Variants in SLC37A1 observed in about 807,000 individuals in gnomAD.
The protein encoded by SLC37A1 is glucose-6-phosphate exchanger SLC37A1.
A neutral mutation model predicts 75.3 loss-of-function variants in SLC37A1; 49 were observed. The ratio of observed to expected loss-of-function variants is 0.65; its 90% CI spans 0.52 to 0.83. The LOEUF is 0.83. Among genes scored for constraint, SLC37A1 ranks in the 40% least tolerant of loss-of-function variants. The pLI is 0.00. For synonymous variants in SLC37A1, 268 were observed against 292.1 expected (o/e 0.92, Z 0.84); for missense variants, 566 against 695.0 (o/e 0.81, Z 2.09).
intron 17 of SLC37A1, among the ~76,000 whole-genome samples, chr21:42,570,080 GCGACACACGGCCTGGT>G (rs2056097335): frequency 1.8e-5 from 2 of 109,218 alleles, no homozygotes; most frequent in African/African-American, 3.0e-5. Context: ...GCCATGTCAT[GCGACACACGGCCTGGT>G]TCTGAGAAGT....
rs2054917963 is a variant in SLC37A1 at position 42,530,402 on chromosome 21, G to A, written c.139-4296G>A. Among the ~76,000 whole-genome samples the A allele has an allele frequency of 2.0e-5, 3 of 152,166 alleles. No homozygotes were observed. In the South Asian group the frequency reaches 6.2e-4, roughly 32 times the overall value. On this transcript the variant is annotated intron_variant, in intron 3 of 19. Transcript: ENST00000352133. ...TGGCCGTGGGCAGGTGCTGTTGTCT[G>A]TGGGGGAGAGCCTGGCTGGTCGCTC...
chr21:42,541,622 T>A, intron 6 of SLC37A1, among the ~76,000 whole-genome samples: 1 of 152,254 alleles, frequency 6.6e-6, no homozygotes, highest in East Asian at 1.9e-4. Flanking sequence ...AGAGAATGAT[T>A]AACAACAGTA....
chr21:42,554,282 ATTTCT>A (rs748553468), intron 10 of SLC37A1, 140 bp downstream of exon 10: 5 of 716,980 alleles, frequency 7.0e-6, no homozygotes, highest in Non-Finnish European at 1.1e-5. Context: ...GTCTCATTGT[ATTTCT>A]TCAGTAAAAT....
chr21:42,552,701 C>T lies in SLC37A1; in HGVS notation c.769-1361C>T, dbSNP rs1011815633. Among the ~76,000 whole-genome samples the T allele has an allele frequency of 6.6e-6, 1 of 152,220 alleles. No homozygotes were observed. The highest frequency in any genetic ancestry group is 1.5e-5 in the Non-Finnish European group (1 of 68,040). On this transcript the variant is annotated intron_variant, in intron 9 of 19. Coordinates refer to ENST00000352133, the MANE Select transcript of SLC37A1 (RefSeq NM_001320537.2). This position sits in a 1 kb window ranked among gnomAD's most constrained non-coding sequence, Gnocchi z 4.2. The stretch of plus-strand genomic sequence containing the variant: ...CTTTCAGGAGACTTCCTAGCATTTC[C>T]TAACATCATTTCTGCTTAGCTGACC...
At position 42,514,366 on chromosome 21, in the gene SLC37A1, C is replaced by A. The variant is rs541230351; in HGVS notation, c.-530C>A. ...AGCCGGGTCCCCTGCCCACCCCGGC[C>A]CGGGCCGCGGTGACAGCTGAGGGTC... On this transcript the variant is annotated 5_prime_UTR_variant, in exon 1 of 20. Transcript: ENST00000352133. The surrounding 1 kb of genome is among the most constrained non-coding windows in gnomAD (Gnocchi z 4.8). 1 of 152,296 alleles carries A rather than the reference C, an allele frequency of 6.6e-6. No individual in the cohort carries two copies. The highest frequency in any genetic ancestry group is 1.9e-4 in the East Asian group (1 of 5,134). The allele number at this position is 152,296 out of a possible 1,614,324, so 9.4% of individuals were successfully genotyped here.
intron 11 of SLC37A1, among the ~76,000 whole-genome samples, chr21:42,560,181 C>T (rs1042891107): frequency 6.6e-6 from 1 of 152,202 alleles, no homozygotes; most frequent in East Asian, 1.9e-4. Flanking sequence ...GTTTTTATTA[C>T]ATTGATGGAC....
At chr21:42,507,853 C>T (rs368668341) in intron 2 of SLC37A1, among the ~76,000 whole-genome samples, 8 of 152,244 alleles carry the variant, frequency 5.3e-5, no homozygotes, top group East Asian at 1.9e-4. Context: ...AGATCTCCCC[C>T]GATGACCCAG....
intron 9 of SLC37A1, among the ~76,000 whole-genome samples, chr21:42,551,344 C>G (rs768832180): frequency 6.6e-6 from 1 of 152,138 alleles, no homozygotes; most frequent in Non-Finnish European, 1.5e-5. Flanking sequence ...CAGAAGAAAC[C>G]AGTCACAAAA....
chr21:42,514,100 T>A lies in SLC37A1; in HGVS notation c.-796T>A, dbSNP rs565947736. On this transcript the variant is annotated 5_prime_UTR_variant, in exon 1 of 20. Transcript: ENST00000352133. The surrounding 1 kb of genome is among the most constrained non-coding windows in gnomAD (Gnocchi z 4.8). ...TCGGCTCCTCTCCTTCCTTTTCTTT[T>A]TTTTCGGGGGGAGGTGGGGGCTGGT... 1.3e-5 allele frequency: 2 copies of A among 150,310 alleles called. No homozygotes were observed. Among genetic ancestry groups the A allele is most frequent in the East Asian group, 4.0e-4 (2 of 4,996 alleles). The allele number at this position is 150,310 out of a possible 1,614,324, so 9.3% of individuals were successfully genotyped here. A position where few individuals can be genotyped will look rare whatever the true frequency, so the allele number is the denominator to read the frequency against.
chr21:42,513,150 G>A (rs909992897), upstream of SLC37A1, among the ~76,000 whole-genome samples: 1 of 152,194 alleles, frequency 6.6e-6, no homozygotes, highest in Non-Finnish European at 1.5e-5. Context: ...TGGGTGTTCG[G>A]CAGTAGCTTC....
chr21:42,519,365 C>G (rs1297417379), intron 2 of SLC37A1, among the ~76,000 whole-genome samples: 1 of 152,156 alleles, frequency 6.6e-6, no homozygotes, highest in Non-Finnish European at 1.5e-5. Flanking sequence ...GAACAGAGAA[C>G]AGATGGGCGA....
At chr21:42,567,393 G>A (rs1229433314) in intron 16 of SLC37A1, among the ~76,000 whole-genome samples, 3 of 152,222 alleles carry the variant, frequency 2.0e-5, no homozygotes, top group East Asian at 1.9e-4. Context: ...ACGAAGAGGC[G>A]CTGGGGGATT....
In SLC37A1 at chr21:42,543,512, T is replaced by C; in HGVS notation, c.640T>C (p.Trp214Arg). The change falls in exon 8 of 20, where the codon TGG becomes CGG. Residue 214 changes from tryptophan to arginine, a missense_variant. Trp to Arg is a moderately radical substitution (Grantham distance 101). Transcript: ENST00000352133. ...NILGSLIAGY[W>R]VSTCWGLSFV... is the part of the protein sequence containing the mutation. Reference sequence around the variant, plus strand: ...CTTGGGGTCATTGATCGCTGGCTACTGGGTGTCCACATGCTGGGGCCTGTC... The same window carrying C: ...CTTGGGGTCATTGATCGCTGGCTACCGGGTGTCCACATGCTGGGGCCTGTC... The C allele has an allele frequency of 1.2e-6, 2 of 1,614,206 alleles. No homozygotes were observed. Among genetic ancestry groups the C allele is most frequent in the Non-Finnish European group, 1.7e-6 (2 of 1,180,006 alleles).
intron 11 of SLC37A1, 58 bp downstream of exon 11, chr21:42,559,147 G>C (rs924644809): frequency 1.9e-6 from 3 of 1,569,794 alleles, no homozygotes; most frequent in African/African-American, 2.8e-5. Context: ...GCTGTGGGAA[G>C]TCTGGTCGGT....
intron 16 of SLC37A1, 29 bp downstream of exon 16, chr21:42,567,087 C>G (rs1217566543): frequency 5.0e-6 from 8 of 1,605,378 alleles, no homozygotes; most frequent in Non-Finnish European, 5.9e-6. Flanking sequence ...GACACCAGCC[C>G]TGTGGGCACC....
At chr21:42,575,197 T>C in intron 18 of SLC37A1, 1 of 983,402 alleles carries the variant, frequency 1.0e-6, no homozygotes. Context: ...ACCTGTCATG[T>C]GTGTGACTTG....
intron 9 of SLC37A1, among the ~76,000 whole-genome samples, chr21:42,549,779 G>A (rs888975544): frequency 2.0e-5 from 3 of 152,208 alleles, no homozygotes; most frequent in African/African-American, 4.8e-5. Flanking sequence ...GATTTCAGAT[G>A]TGCTGACTTG....
In SLC37A1 at chr21:42,548,226, G is replaced by T. The variant is rs1266485847; in HGVS notation, c.768+1086G>T. ...TTTCAGCGGCTCCAGGTGCGTTGAT[G>T]TCGAGTCACCATGCTGTCCCCAGAG... On this transcript the variant is annotated intron_variant, in intron 9 of 19. Coordinates refer to ENST00000352133, the MANE Select transcript of SLC37A1 (RefSeq NM_001320537.2). This position sits in a 1 kb window ranked among gnomAD's most constrained non-coding sequence, Gnocchi z 5.6. Among the ~76,000 whole-genome samples, 1 of 152,122 alleles carries T rather than the reference G, an allele frequency of 6.6e-6. No individual in the cohort carries two copies. The highest frequency in any genetic ancestry group is 1.5e-5 in the Non-Finnish European group (1 of 68,010).
chr21:42,523,524 C>T (rs1276140348), intron 2 of SLC37A1, among the ~76,000 whole-genome samples: 1 of 152,272 alleles, frequency 6.6e-6, no homozygotes, highest in Non-Finnish European at 1.5e-5. Flanking sequence ...AGCGCTGAGA[C>T]TTTCTTTCCT....
Sources: gnomAD v4.1 joint callset for allele counts (sites outside exome capture counted in the v4.1 genomes callset) on GRCh38, gnomAD v4.1.1 for gene constraint, Gnocchi (gnomAD v3.1) non-coding constraint, MANE v1.5 for transcripts, NCBI Gene and HGNC (gene_info 2026-07-23, HGNC 2026-07-21) for gene names.